CACNB4: variants seen among roughly 807,000 people sequenced by gnomAD.
The protein encoded by CACNB4 is voltage-dependent L-type calcium channel subunit beta-4.
In CACNB4, 32 loss-of-function variants were observed where a neutral mutation model predicts 71.2. The ratio of observed to expected loss-of-function variants is 0.45; its 90% confidence interval spans 0.34 to 0.60. CACNB4 has a LOEUF of 0.60. Ranked by LOEUF, CACNB4 falls within the 20% of genes least tolerant of loss-of-function variation. The pLI, the probability that CACNB4 is intolerant of heterozygous loss-of-function variation, is 0.01. For missense variants in CACNB4, 464 were observed against 647.9 expected (o/e 0.72, Z 3.08); for synonymous variants, 231 against 236.9 (o/e 0.97, Z 0.23).
At chr2:151,875,582 GC>G (rs1419932342) in intron 5 of CACNB4, among the ~76,000 whole-genome samples, 1 of 139,402 alleles carries the variant, frequency 7.2e-6, no homozygotes, top group Admixed American at 6.9e-5. Context: ...GGGCAGAGGC[GC>G]CCCTCACCTC....
In CACNB4 at chr2:151,905,239, A is replaced by G. The variant is rs546805350; in HGVS notation, c.148-21869T>C. ...CTATAATAATCATTTTCTACCCCCAACCTGGAGTTCTCTCCAGCCCATTGC... is the reference window on the plus strand; with the variant it reads ...CTATAATAATCATTTTCTACCCCCAGCCTGGAGTTCTCTCCAGCCCATTGC... On this transcript the variant is annotated intron_variant, in intron 2 of 13. Transcript: ENST00000539935. Among the ~76,000 whole-genome samples the G allele has an allele frequency of 2.2e-3, 328 of 152,142 alleles. 1 individual carries two copies. The highest frequency in any genetic ancestry group is 3.6e-3 in the Non-Finnish European group (247 of 67,994).
At chr2:151,926,862 C>A (rs539335244) in intron 2 of CACNB4, among the ~76,000 whole-genome samples, 1 of 152,266 alleles carries the variant, frequency 6.6e-6, no homozygotes, top group East Asian at 1.9e-4. Flanking sequence ...GAATCAGAAA[C>A]CTTGATTTAA....
chr2:152,070,103 A>G (rs1156997079), intron 2 of CACNB4, among the ~76,000 whole-genome samples: 1 of 152,108 alleles, frequency 6.6e-6, no homozygotes, highest in Non-Finnish European at 1.5e-5. Flanking sequence ...TTGGCCTCCC[A>G]AAGTGCTGGG....
intron 2 of CACNB4, among the ~76,000 whole-genome samples, chr2:151,953,261 A>G (rs1314862448): frequency 6.6e-6 from 1 of 151,892 alleles, no homozygotes; most frequent in Non-Finnish European, 1.5e-5. Context: ...TCTGTCCAAT[A>G]CCTGCTGGTG....
At chr2:151,998,956 A>G (rs770825633) in intron 2 of CACNB4, among the ~76,000 whole-genome samples, 1 of 152,186 alleles carries the variant, frequency 6.6e-6, no homozygotes, top group African/African-American at 2.4e-5. Context: ...CGAAGATGCA[A>G]AAGTACCTTC....
chr2:151,883,446 C>T (rs537797729), intron 2 of CACNB4, 76 bp from the exon 3 acceptor site: 29 of 1,503,288 alleles, frequency 1.9e-5, no homozygotes, highest in South Asian at 5.6e-5. Context: ...TATCCTGGGG[C>T]GAGTTCTTTT....
In CACNB4 at chr2:151,883,347, G is replaced by C; in HGVS notation, c.171C>G (p.Ser57Arg). The change falls in exon 3 of 14, where the codon AGC (serine) becomes AGG (arginine). Residue 57 changes from serine to arginine, a missense_variant. Transcript: ENST00000539935. The stretch of plus-strand genomic sequence containing the variant: ...AAGAGACATCGGAGTCAGACGGCCT[G>C]CTTGTGTAGGAATCCGCTGAACCCT... ...LRQGSADSYT[S>R]RPSDSDVSLE... 6.2e-7 allele frequency: 1 copy of C among 1,613,758 alleles called. No homozygotes were observed. Among genetic ancestry groups the C allele is most frequent in the Non-Finnish European group, 8.5e-7 (1 of 1,179,690 alleles).
At chr2:152,002,439 T>C (rs1682479671) in intron 2 of CACNB4, among the ~76,000 whole-genome samples, 1 of 152,182 alleles carries the variant, frequency 6.6e-6, no homozygotes, top group Admixed American at 6.5e-5. Context: ...GCAAATACTG[T>C]CGAGGTTATA....
intron 2 of CACNB4, among the ~76,000 whole-genome samples, chr2:151,994,717 C>T (rs1681942867): frequency 6.6e-6 from 1 of 152,238 alleles, no homozygotes; most frequent in African/African-American, 2.4e-5. Context: ...CTGCCTGCCC[C>T]ACCTACATCT....
intron 2 of CACNB4, among the ~76,000 whole-genome samples, chr2:151,990,146 T>C (rs905326984): frequency 6.6e-6 from 1 of 152,196 alleles, no homozygotes; most frequent in African/African-American, 2.4e-5. Context: ...CCTCCCTTTC[T>C]TTAAGATAAA....
rs1296392370 is a variant in CACNB4 at position 151,838,330 on chromosome 2, G to A, written c.*789C>T. ...TCTCTCTCACTGCTGAAAAAAATTT[G>A]AGGTTTTTTGCTTGTTTGTATTTGT... On this transcript the variant is annotated 3_prime_UTR_variant, in exon 14 of 14. Coordinates refer to ENST00000539935, the MANE Select transcript of CACNB4 (RefSeq NM_000726.5). 2 of 152,568 alleles carry A rather than the reference G, an allele frequency of 1.3e-5. No homozygotes were observed. Among genetic ancestry groups the A allele is most frequent in the Non-Finnish European group, 2.9e-5 (2 of 68,016 alleles). 9.5% of individuals were successfully genotyped at this position (152,568 alleles called of 1,614,324 possible).
chr2:151,909,892 G>C (rs972796575), intron 2 of CACNB4, among the ~76,000 whole-genome samples: 2 of 152,088 alleles, frequency 1.3e-5, no homozygotes, highest in African/African-American at 4.8e-5. Context: ...CTTTATAGTA[G>C]AATGATTTAT....
chr2:151,843,347 C>T (rs1353313008), intron 12 of CACNB4, among the ~76,000 whole-genome samples: 2 of 152,228 alleles, frequency 1.3e-5, no homozygotes. Flanking sequence ...GACAGTGTTG[C>T]TCTGTGGCCC....
intron 2 of CACNB4, among the ~76,000 whole-genome samples, chr2:152,047,129 C>T (rs1012568096): frequency 2.0e-5 from 3 of 152,154 alleles, no homozygotes; most frequent in Admixed American, 6.5e-5. Context: ...GTAAAAATAG[C>T]GTAACAATAG....
At chr2:152,035,616 T>C (rs1449932023) in intron 2 of CACNB4, among the ~76,000 whole-genome samples, 85 of 88,038 alleles carry the variant, frequency 9.7e-4, no homozygotes, top group African/African-American at 3.2e-3. Flanking sequence ...TCTCTCTCTC[T>C]CTCCCTCCCT....
At chr2:151,939,526 G>A (rs2099863730) in intron 2 of CACNB4, among the ~76,000 whole-genome samples, 1 of 152,174 alleles carries the variant, frequency 6.6e-6, no homozygotes, top group Non-Finnish European at 1.5e-5. Context: ...AGGTCTGGAA[G>A]TCCCCAGACA....
intron 2 of CACNB4, among the ~76,000 whole-genome samples, chr2:152,000,840 C>T (rs1682351772): frequency 6.6e-6 from 1 of 152,174 alleles, no homozygotes; most frequent in Non-Finnish European, 1.5e-5. Flanking sequence ...ATGCTCATGG[C>T]CTGGGCGGAG....
intron 2 of CACNB4, among the ~76,000 whole-genome samples, chr2:152,085,075 C>T (rs900235680): frequency 1.8e-4 from 27 of 151,984 alleles, no homozygotes; most frequent in African/African-American, 6.3e-4. Context: ...ATATTGAAGA[C>T]GGATTTTGAC....
intron 2 of CACNB4, among the ~76,000 whole-genome samples, chr2:151,955,135 G>A (rs1381202792): frequency 6.6e-6 from 1 of 152,008 alleles, no homozygotes; most frequent in Non-Finnish European, 1.5e-5. Context: ...GATTACAGGC[G>A]TGAGCCACCG....
Sources: allele counts gnomAD v4.1 joint callset (sites outside exome capture counted in the v4.1 genomes callset), GRCh38; gene constraint gnomAD v4.1.1; transcripts MANE v1.5; gene names NCBI Gene and HGNC (gene_info 2026-07-23, HGNC 2026-07-21).